The following PCDH7 variants were observed in gnomAD, a reference collection of about 807,000 sequenced individuals.
PCDH7 encodes protocadherin 7.
In PCDH7, 17 loss-of-function variants were observed where a neutral mutation model predicts 58.9. That is an observed-to-expected ratio of 0.29 (90% CI 0.20 to 0.43). The LOEUF (loss-of-function observed/expected upper bound fraction) is 0.43. Among genes scored for constraint, PCDH7 ranks in the 20% least tolerant of loss-of-function variants. The pLI, the probability that PCDH7 is intolerant of heterozygous loss-of-function variation, is 1.00. For synonymous variants in PCDH7, 664 were observed against 616.4 expected (o/e 1.08, Z -1.14); for missense variants, 1,274 against 1,441.0 (o/e 0.88, Z 1.88).
At chr4:31,110,802 C>A (rs1021693789) in intron 3 of PCDH7, among the ~76,000 whole-genome samples, 1 of 151,868 alleles carries the variant, frequency 6.6e-6, no homozygotes, top group Non-Finnish European at 1.5e-5. Context: ...GTAGTCCCAG[C>A]TACTCGGGAG....
In PCDH7 at chr4:30,810,673, G is replaced by T. The variant is rs910901020; in HGVS notation, c.70+86077G>T. On this transcript the variant is annotated intron_variant, in intron 1 of 3. Transcript: ENST00000509759. The stretch of plus-strand genomic sequence containing the variant: ...GTCACCCAGGCTGGAGTGCAGTGGT[G>T]CAATCTCTGCTCACTGCAACCTCTG... Among the ~76,000 whole-genome samples the T allele has an allele frequency of 4.0e-5, 6 of 149,808 alleles. 1 individual carries two copies. In the South Asian group the frequency reaches 1.3e-3, roughly 32 times the overall value.
At chr4:30,819,144 G>A (rs1374650) in intron 1 of PCDH7, among the ~76,000 whole-genome samples, 43,340 of 151,962 alleles carry the variant, frequency 0.29, 7,481 homozygotes, top group African/African-American at 0.49. Context: ...CAGGAGCCAC[G>A]ACTCATAGTG....
intron 3 of PCDH7, among the ~76,000 whole-genome samples, chr4:30,968,340 CTA>C (rs200973688): frequency 3.6e-5 from 3 of 83,472 alleles, no homozygotes; most frequent in African/African-American, 1.8e-4. Context: ...TATACACACA[CTA>C]TATATATATA....
At chr4:30,846,704 C>A (rs908878772) in intron 1 of PCDH7, among the ~76,000 whole-genome samples, 6 of 151,968 alleles carry the variant, frequency 3.9e-5, no homozygotes, top group Non-Finnish European at 8.8e-5. Flanking sequence ...AAAAGAATTG[C>A]CTGTTGAGAA....
At chr4:30,778,787 A>C (rs892524437) in intron 1 of PCDH7, among the ~76,000 whole-genome samples, 1 of 152,144 alleles carries the variant, frequency 6.6e-6, no homozygotes, top group African/African-American at 2.4e-5. Context: ...GTCTTTGTTT[A>C]AATAATCTCA....
rs1277005695 is a variant in PCDH7, at chr4:30,723,052, T to C, written c.1630T>C (p.Phe544Leu). 1 of 1,613,882 alleles carries C rather than the reference T, an allele frequency of 6.2e-7. No individual in the cohort carries two copies. Among genetic ancestry groups the C allele is most frequent in the Non-Finnish European group, 8.5e-7 (1 of 1,180,020 alleles). ...CGGCCAGTCGGTGGTGGAGGTTTAC[T>C]TCCCTGAGAACAACATCCCGGGCGA... Residue 544 changes from phenylalanine (F) to leucine (L), a missense_variant, in exon 1 of 2, where the codon TTC becomes CTC. Phe to Leu is a conservative substitution (Grantham distance 22, BLOSUM62 0). Coordinates refer to ENST00000361762, the Ensembl canonical transcript of PCDH7. The surrounding 1 kb of genome is among the most constrained non-coding windows in gnomAD (Gnocchi z 4.6).
intron 3 of PCDH7, among the ~76,000 whole-genome samples, chr4:30,960,806 T>G (rs1176590744): frequency 6.6e-6 from 1 of 152,132 alleles, no homozygotes; most frequent in Non-Finnish European, 1.5e-5. Context: ...CAATATGAGA[T>G]GAGAAAATAA....
intron 1 of PCDH7, among the ~76,000 whole-genome samples, chr4:30,819,074 G>A (rs1417094489): frequency 1.3e-5 from 2 of 152,176 alleles, no homozygotes; most frequent in Non-Finnish European, 1.5e-5. Flanking sequence ...GATCCACAGA[G>A]CACAGAACAT....
intron 3 of PCDH7, among the ~76,000 whole-genome samples, chr4:31,048,793 C>T (rs1163087023): frequency 1.3e-5 from 2 of 151,904 alleles, no homozygotes; most frequent in Non-Finnish European, 2.9e-5. Flanking sequence ...GGAAATCGCA[C>T]TTAACCCACT....
rs1319055007 is a variant in PCDH7 at position 30,721,489 on chromosome 4, C to T, written c.67C>T (p.Leu23Phe). The change falls in exon 1 of 2, where the codon CTC (leucine) becomes TTC (phenylalanine). Residue 23 changes from leucine (L) to phenylalanine (F), a missense_variant. Coordinates refer to ENST00000361762, the Ensembl canonical transcript of PCDH7. This position sits in a 1 kb window ranked among gnomAD's most constrained non-coding sequence, Gnocchi z 6.7. ...CTTGGGCTGCTGCCTCCTCCTGCCG[C>T]TCTCGCTCAGCCTGGCGGCCGCCAA... The T allele has an allele frequency of 2.5e-6, 4 of 1,594,260 alleles. No individual in the cohort carries two copies. Among genetic ancestry groups the T allele is most frequent in the Non-Finnish European group, 3.4e-6 (4 of 1,175,764 alleles).
intron 1 of PCDH7, among the ~76,000 whole-genome samples, chr4:30,751,434 A>T (rs1459245839): frequency 6.6e-6 from 1 of 152,196 alleles, no homozygotes; most frequent in African/African-American, 2.4e-5. Flanking sequence ...TCTGTTTCCC[A>T]AGTATAAGCA....
At chr4:30,835,257 T>A (rs940813976) in intron 1 of PCDH7, among the ~76,000 whole-genome samples, 1 of 152,050 alleles carries the variant, frequency 6.6e-6, no homozygotes, top group Admixed American at 6.5e-5. Context: ...TCATGGCCTG[T>A]TAGTAACCGG....
chr4:30,815,745 T>C (rs954059475), intron 1 of PCDH7, among the ~76,000 whole-genome samples: 2 of 152,208 alleles, frequency 1.3e-5, no homozygotes, highest in Non-Finnish European at 2.9e-5. Flanking sequence ...TGAGATCTTA[T>C]TGGGAAGCTG....
intron 1 of PCDH7, among the ~76,000 whole-genome samples, chr4:30,787,692 T>C (rs750309813): frequency 1.3e-5 from 2 of 152,100 alleles, no homozygotes; most frequent in Non-Finnish European, 2.9e-5. Flanking sequence ...GAAGTACCTC[T>C]TTGCATTACA....
chr4:31,073,978 A>AT (rs1191120716), intron 3 of PCDH7, among the ~76,000 whole-genome samples: 1 of 151,394 alleles, frequency 6.6e-6, no homozygotes, highest in Admixed American at 6.6e-5. Flanking sequence ...TTTTCTAGCT[A>AT]TTTTTTCAAA....
intron 1 of PCDH7, among the ~76,000 whole-genome samples, chr4:30,754,584 G>T (rs1719023621): frequency 6.6e-6 from 1 of 151,966 alleles, no homozygotes; most frequent in East Asian, 1.9e-4. Context: ...TACTTTTATT[G>T]CTGTAAAAAA....
intron 3 of PCDH7, among the ~76,000 whole-genome samples, chr4:31,111,527 C>T (rs1716318948): frequency 6.6e-6 from 1 of 152,078 alleles, no homozygotes; most frequent in Non-Finnish European, 1.5e-5. Context: ...CCAGGCTGGT[C>T]TCAAATTCCT....
chr4:30,872,657 A>G (rs902294058), intron 1 of PCDH7, among the ~76,000 whole-genome samples: 1 of 152,004 alleles, frequency 6.6e-6, no homozygotes, highest in African/African-American at 2.4e-5. Flanking sequence ...AAATGAGGAC[A>G]ATTCCTATAA....
At chr4:30,765,080 A>G (rs1360800516) in intron 1 of PCDH7, among the ~76,000 whole-genome samples, 2 of 137,956 alleles carry the variant, frequency 1.4e-5, no homozygotes, top group Non-Finnish European at 3.1e-5. Context: ...TGTCCTTTGC[A>G]ATTAACAAGG....
Sources: gnomAD v4.1 joint callset for allele counts (sites outside exome capture counted in the v4.1 genomes callset) on GRCh38, gnomAD v4.1.1 for gene constraint, Gnocchi (gnomAD v3.1) non-coding constraint, MANE v1.5 for transcripts, NCBI Gene and HGNC (gene_info 2026-07-23, HGNC 2026-07-21) for gene names.